HS2ST1: variants seen among roughly 807,000 people sequenced by gnomAD.
The protein encoded by HS2ST1 is heparan sulfate 2-O-sulfotransferase 1, also known as 2-O-sulfotransferase.
In HS2ST1, 18 loss-of-function variants were observed where a neutral mutation model predicts 42.9. The observed-to-expected ratio is 0.42, with a 90% confidence interval of 0.29 to 0.62. The LOEUF is 0.62. Ranked by LOEUF, HS2ST1 falls within the 20% of genes least tolerant of loss-of-function variation. The pLI is 0.21. For missense variants in HS2ST1, 334 were observed against 433.8 expected (o/e 0.77, Z 2.04); for synonymous variants, 146 against 152.9 (o/e 0.95, Z 0.33).
At chr1:86,948,000 A>C (rs890326238) in intron 1 of HS2ST1, among the ~76,000 whole-genome samples, 1 of 152,150 alleles carries the variant, frequency 6.6e-6, no homozygotes, top group Non-Finnish European at 1.5e-5. Flanking sequence ...TGAACTTCCA[A>C]ATTTAAACTG....
chr1:86,999,395 C>T (rs576930041), intron 1 of HS2ST1, among the ~76,000 whole-genome samples: 1 of 152,294 alleles, frequency 6.6e-6, no homozygotes, highest in African/African-American at 2.4e-5. Flanking sequence ...TCAGGCTGGT[C>T]TCGAACTCCC....
At chr1:87,018,776 G>A (rs529827122) in intron 1 of HS2ST1, among the ~76,000 whole-genome samples, 1 of 152,260 alleles carries the variant, frequency 6.6e-6, no homozygotes, top group East Asian at 1.9e-4. Context: ...GGTGGTGGTT[G>A]CGCCTTATCA....
At chr1:86,971,288 A>AAAAACAAAAC (rs530493574) in intron 1 of HS2ST1, among the ~76,000 whole-genome samples, 1 of 152,098 alleles carries the variant, frequency 6.6e-6, no homozygotes, top group Non-Finnish European at 1.5e-5. Flanking sequence ...TCATTATTTA[A>AAAAACAAAAC]AAAACAAAAC....
chr1:86,990,365 G>T (rs1163322345), intron 1 of HS2ST1, among the ~76,000 whole-genome samples: 1 of 152,140 alleles, frequency 6.6e-6, no homozygotes, highest in Non-Finnish European at 1.5e-5. Flanking sequence ...TAGCTAGAAG[G>T]TAGAGTACTC....
rs1327276790 is a variant in HS2ST1, at chr1:87,109,054, A to G, written c.*4358A>G. On this transcript the variant is annotated 3_prime_UTR_variant, in exon 7 of 7. Coordinates refer to ENST00000370550, the MANE Select transcript of HS2ST1 (RefSeq NM_012262.4). The stretch of plus-strand genomic sequence containing the variant: ...ATGCAAATTCTGTTTCCAACTTGAA[A>G]CCATTTTGTCACATCTGTTGGAGAG... 1 of 152,326 alleles carries G rather than the reference A, an allele frequency of 6.6e-6. No homozygotes were observed. The highest frequency in any genetic ancestry group is 1.9e-4 in the East Asian group (1 of 5,196). 9.4% of individuals were successfully genotyped at this position (152,326 alleles called of 1,614,324 possible).
At chr1:87,024,117 CTT>C in intron 1 of HS2ST1, among the ~76,000 whole-genome samples, 1 of 152,206 alleles carries the variant, frequency 6.6e-6, no homozygotes, top group Middle Eastern at 3.4e-3. Flanking sequence ...GTCTTAAAGA[CTT>C]TTGGTGGTGG....
chr1:86,966,171 T>C (rs895640128), intron 1 of HS2ST1, among the ~76,000 whole-genome samples: 2 of 152,234 alleles, frequency 1.3e-5, no homozygotes, highest in African/African-American at 4.8e-5. Context: ...AGAGAGCTCC[T>C]CCTTCCATGG....
chr1:87,009,289 C>T (rs952815590), intron 1 of HS2ST1, among the ~76,000 whole-genome samples: 1 of 152,204 alleles, frequency 6.6e-6, no homozygotes, highest in Non-Finnish European at 1.5e-5. Context: ...AATTAACCTT[C>T]TTTCCAGTAA....
chr1:87,087,754 T>A (rs1419273877), intron 3 of HS2ST1, among the ~76,000 whole-genome samples: 5 of 152,094 alleles, frequency 3.3e-5, no homozygotes, highest in African/African-American at 1.2e-4. Context: ...CTTTAGAAAA[T>A]TATTTTAATC....
At chr1:86,976,277 T>C (rs1028988407) in intron 1 of HS2ST1, among the ~76,000 whole-genome samples, 11 of 152,202 alleles carry the variant, frequency 7.2e-5, no homozygotes, top group South Asian at 2.1e-4. Flanking sequence ...GTGATCTGTT[T>C]AGAATTTTTA....
chr1:86,948,306 C>A (rs1647397881), intron 1 of HS2ST1, among the ~76,000 whole-genome samples: 1 of 152,072 alleles, frequency 6.6e-6, no homozygotes, highest in Non-Finnish European at 1.5e-5. Flanking sequence ...GAGACTAGGT[C>A]TTGCTATGTT....
intron 1 of HS2ST1, among the ~76,000 whole-genome samples, chr1:86,962,313 TTGAAGTAGTTTTAAGGTAA>T (rs889886520): frequency 6.6e-6 from 1 of 152,122 alleles, no homozygotes; most frequent in Non-Finnish European, 1.5e-5. Context: ...AGGCTCCCCC[TTGAAGTAGTTTTAAGGTAA>T]TACAAATTGA....
chr1:86,950,348 A>C (rs1177441118), intron 1 of HS2ST1, among the ~76,000 whole-genome samples: 1 of 151,566 alleles, frequency 6.6e-6, no homozygotes, highest in Non-Finnish European at 1.5e-5. Context: ...AGATAGATAC[A>C]TGGGTAGATA....
intron 3 of HS2ST1, among the ~76,000 whole-genome samples, chr1:87,091,273 T>C (rs1651933712): frequency 1.3e-5 from 2 of 151,884 alleles, no homozygotes; most frequent in South Asian, 4.2e-4. Flanking sequence ...TAAGCAAAGA[T>C]ATATAAAGAG....
chr1:86,921,069 A>G (rs569305251), intron 1 of HS2ST1, among the ~76,000 whole-genome samples: 3 of 150,546 alleles, frequency 2.0e-5, no homozygotes, highest in African/African-American at 7.4e-5. Flanking sequence ...TGATAAATAT[A>G]TACAGTTTTG....
intron 3 of HS2ST1, among the ~76,000 whole-genome samples, chr1:87,090,360 T>C (rs2100648727): frequency 6.6e-6 from 1 of 152,118 alleles, no homozygotes; most frequent in East Asian, 1.9e-4. Flanking sequence ...TTTGCAACAG[T>C]ACTGTCCTTC....
At chr1:87,019,274 G>T (rs1649851348) in intron 1 of HS2ST1, among the ~76,000 whole-genome samples, 2 of 152,166 alleles carry the variant, frequency 1.3e-5, no homozygotes, top group African/African-American at 4.8e-5. Context: ...CTGTAAGAAG[G>T]AATTAAGTCT....
At chr1:87,007,949 TAAAGTA>T (rs1649489088) in intron 1 of HS2ST1, among the ~76,000 whole-genome samples, 2 of 152,176 alleles carry the variant, frequency 1.3e-5, no homozygotes, top group African/African-American at 4.8e-5. Flanking sequence ...ATTTGCAAAT[TAAAGTA>T]AAAGTTATTT....
At chr1:86,996,451 A>G (rs1422485076) in intron 1 of HS2ST1, among the ~76,000 whole-genome samples, 1 of 150,918 alleles carries the variant, frequency 6.6e-6, no homozygotes. Flanking sequence ...TCAAAAAAAA[A>G]AAAAAAAAAA....
Sources: allele counts gnomAD v4.1 joint callset (sites outside exome capture counted in the v4.1 genomes callset), GRCh38; gene constraint gnomAD v4.1.1; transcripts MANE v1.5; gene names NCBI Gene and HGNC (gene_info 2026-07-23, HGNC 2026-07-21).